The following SNRK variants were observed in gnomAD, a reference collection of about 807,000 sequenced individuals.
The protein encoded by SNRK is SNF-related serine/threonine-protein kinase.
In SNRK, 3 loss-of-function variants were observed where a neutral mutation model predicts 48.2. That is an observed-to-expected ratio of 0.06 (90% CI 0.03 to 0.16). SNRK has a LOEUF of 0.16. SNRK is among the 10% of genes least tolerant of loss of function. The pLI is 1.00. For missense variants in SNRK, 627 were observed against 976.0 expected, an observed-to-expected ratio of 0.64 and a Z score of 4.76; for synonymous variants, 376 against 366.1, an observed-to-expected ratio of 1.03 and a Z score of -0.31.
chr3:43,344,456 A>C (rs1198621801), intron 6 of SNRK, among the ~76,000 whole-genome samples: 1 of 152,190 alleles, frequency 6.6e-6, no homozygotes, highest in Non-Finnish European at 1.5e-5. Flanking sequence ...ATTGTGAATA[A>C]TAATATTATG....
Position 43,309,014 on chromosome 3 carries a change from G to T in SNRK, c.589+5222G>T, listed in dbSNP as rs149905107. ...TGACTTCGAGGGGTTCACAGTTTGT[G>T]GAGGAAATAACTGCATATGTGGTGG... On this transcript the variant is annotated intron_variant, in intron 3 of 6. Transcript: ENST00000296088. 2.4e-4 allele frequency among the ~76,000 whole-genome samples: 36 copies of T among 152,252 alleles called. No individual in the cohort carries two copies. In the East Asian group the frequency reaches 4.1e-3, roughly 17 times the overall value.
At chr3:43,292,497 G>C (rs1274334988) in intron 1 of SNRK, among the ~76,000 whole-genome samples, 1 of 152,190 alleles carries the variant, frequency 6.6e-6, no homozygotes, top group East Asian at 1.9e-4. Flanking sequence ...TTTTCCATTT[G>C]TTTTGTCCAG....
intron 3 of SNRK, among the ~76,000 whole-genome samples, chr3:43,322,150 A>G (rs898371152): frequency 6.6e-6 from 1 of 152,266 alleles, no homozygotes; most frequent in Non-Finnish European, 1.5e-5. Context: ...GTGATGCAGA[A>G]AAAAGAACAG....
chr3:43,327,609 A>G (rs1250429076), intron 3 of SNRK, among the ~76,000 whole-genome samples: 1 of 152,206 alleles, frequency 6.6e-6, no homozygotes, highest in African/African-American at 2.4e-5. Flanking sequence ...TGTTGTATAG[A>G]TAATTCAGTT....
At chr3:43,314,546 T>C (rs895986077) in intron 3 of SNRK, among the ~76,000 whole-genome samples, 1 of 152,202 alleles carries the variant, frequency 6.6e-6, no homozygotes, top group African/African-American at 2.4e-5. Flanking sequence ...GTCTGTGATA[T>C]AATAGCTCCT....
chr3:43,331,284 A>T (rs2091144271), intron 3 of SNRK, among the ~76,000 whole-genome samples: 2 of 152,042 alleles, frequency 1.3e-5, no homozygotes, highest in Admixed American at 6.6e-5. Context: ...CATCTTAAAA[A>T]TTTTTTTTCA....
intron 3 of SNRK, among the ~76,000 whole-genome samples, chr3:43,309,812 T>C (rs2090966066): frequency 1.3e-5 from 2 of 152,064 alleles, no homozygotes; most frequent in South Asian, 4.2e-4. Context: ...GATAGAGTCT[T>C]ACTATGTTGC....
Position 43,348,198 on chromosome 3 carries a change from C to A in SNRK, c.1939C>A (p.Leu647Ile). 6.2e-7 allele frequency: 1 copy of A among 1,605,676 alleles called. No homozygotes were observed. Among genetic ancestry groups the A allele is most frequent in the Non-Finnish European group, 8.5e-7 (1 of 1,176,180 alleles). Residue 647 changes from leucine (L) to isoleucine (I), a missense_variant, in exon 7 of 7, where the codon CTC becomes ATC. Around this residue, in one of 4 missense-constraint regions of SNRK, gnomAD observed 207 missense variants for 234.3 expected, o/e 0.88. Transcript: ENST00000296088. ...SRSAGELVES[L>I]KLMSLCLGSQ... ...CAGTGCTGGGGAGCTCGTTGAGAGC[C>A]TCAAACTCATGAGCCTCTGCCTCGG...
intron 2 of SNRK, among the ~76,000 whole-genome samples, chr3:43,301,910 G>T (rs1466048413): frequency 6.6e-6 from 1 of 152,116 alleles, no homozygotes; most frequent in African/African-American, 2.4e-5. Flanking sequence ...GTTGCATCTT[G>T]TTTAATTTTA....
At chr3:43,344,245 T>C (rs1267073269) in intron 6 of SNRK, among the ~76,000 whole-genome samples, 1 of 152,128 alleles carries the variant, frequency 6.6e-6, no homozygotes, top group East Asian at 1.9e-4. Context: ...ACTTTGCTTT[T>C]CTGCCAGAGT....
At chr3:43,317,139 T>C (rs1469986441) in intron 3 of SNRK, among the ~76,000 whole-genome samples, 4 of 152,196 alleles carry the variant, frequency 2.6e-5, no homozygotes, top group East Asian at 3.8e-4. Context: ...CAAAAGTTAA[T>C]ATTTATATAA....
At chr3:43,311,650 AC>A (rs1310876033) in intron 3 of SNRK, among the ~76,000 whole-genome samples, 1 of 152,078 alleles carries the variant, frequency 6.6e-6, no homozygotes, top group African/African-American at 2.4e-5. Flanking sequence ...GCTGCTTGTC[AC>A]ATCAGTTTAT....
chr3:43,348,737 CTT>C lies in SNRK; in HGVS notation c.*183_*184del. On this transcript the variant is annotated 3_prime_UTR_variant, in exon 7 of 7. Transcript: ENST00000296088. ...TGGTCTTTGTGCATGCTGCTAGACACTTTTCTTTCCCAGCCGAAAAGCCTATT... is the reference window on the plus strand; with the variant it reads ...TGGTCTTTGTGCATGCTGCTAGACACTTCTTTCCCAGCCGAAAAGCCTATT... 1.9e-6 allele frequency: 1 copy of C among 540,184 alleles called. No individual in the cohort carries two copies. Among genetic ancestry groups the C allele is most frequent in the Non-Finnish European group, 2.9e-6 (1 of 345,656 alleles). 33.5% of individuals were successfully genotyped at this position (540,184 alleles called of 1,614,324 possible). A position where few individuals can be genotyped will look rare whatever the true frequency, so the allele number is the denominator to read the frequency against.
chr3:43,314,250 C>T (rs1211103571), intron 3 of SNRK, among the ~76,000 whole-genome samples: 1 of 152,134 alleles, frequency 6.6e-6, no homozygotes, highest in Non-Finnish European at 1.5e-5. Flanking sequence ...ATAGACATAT[C>T]TTAGAATTGT....
intron 3 of SNRK, among the ~76,000 whole-genome samples, chr3:43,304,410 T>C (rs2090919594): frequency 1.3e-5 from 2 of 152,354 alleles, no homozygotes; most frequent in African/African-American, 2.4e-5. Context: ...AGGCTTTCTG[T>C]ATGGTGGATT....
Position 43,303,260 on chromosome 3 carries a change from T to A in SNRK, c.57T>A (p.Asp19Glu). The A allele has an allele frequency of 6.2e-7, 1 of 1,614,190 alleles. No homozygotes were observed. Among genetic ancestry groups the A allele is most frequent in the Non-Finnish European group, 8.5e-7 (1 of 1,180,026 alleles). Residue 19 changes from aspartate to glutamate, a missense_variant, in exon 3 of 7, where the codon GAT becomes GAA. Asp to Glu is a conservative substitution (Grantham distance 45). Transcript: ENST00000296088. This position sits in a 1 kb window ranked among gnomAD's most constrained non-coding sequence, Gnocchi z 6.2. ...DGKIAGLYDL[D>E]KTLGRGHFAV... ...AGATTGCTGGATTATATGATCTGGA[T>A]AAAACCTTGGGTCGAGGCCATTTTG...
intron 3 of SNRK, among the ~76,000 whole-genome samples, chr3:43,318,529 G>GA (rs2091029430): frequency 1.5e-5 from 2 of 136,232 alleles, no homozygotes; most frequent in Admixed American, 1.6e-4. Context: ...TTAGGGAGTT[G>GA]AAAATATTAA....
chr3:43,295,841 C>G (rs1335880283), intron 1 of SNRK, among the ~76,000 whole-genome samples: 1 of 152,140 alleles, frequency 6.6e-6, no homozygotes, highest in South Asian at 2.1e-4. Flanking sequence ...TGTGGTCAAG[C>G]GATTCTCCTG....
chr3:43,289,117 C>T (rs972028837), intron 1 of SNRK, among the ~76,000 whole-genome samples: 16 of 152,166 alleles, frequency 1.1e-4, no homozygotes, highest in Non-Finnish European at 2.2e-4. Context: ...AGTAACAGTA[C>T]GAACAGATGA....
Sources: allele counts gnomAD v4.1 joint callset (sites outside exome capture counted in the v4.1 genomes callset), GRCh38; gene constraint gnomAD v4.1.1; regional missense constraint gnomAD v4.1.1; non-coding constraint Gnocchi (gnomAD v3.1); transcripts MANE v1.5; gene names NCBI Gene and HGNC (gene_info 2026-07-23, HGNC 2026-07-21).